The following SEMA3A variants were observed in gnomAD, a reference collection of about 807,000 sequenced individuals.
The protein encoded by SEMA3A is semaphorin-3A.
Under a neutral mutation model 97.9 loss-of-function variants are expected in SEMA3A, and 29 were observed. The observed-to-expected ratio is 0.30, with a 90% CI of 0.22 to 0.40. The LOEUF is 0.40. Among genes scored for constraint, SEMA3A ranks in the 10% least tolerant of loss-of-function variants. The pLI is 1.00. For synonymous variants in SEMA3A, 321 were observed against 323.7 expected (o/e 0.99, Z 0.09); for missense variants, 763 against 951.3 (o/e 0.80, Z 2.60).
intron 1 of SEMA3A, among the ~76,000 whole-genome samples, chr7:84,451,948 C>A (rs1240595776): frequency 6.6e-6 from 1 of 152,164 alleles, no homozygotes; most frequent in African/African-American, 2.4e-5. Context: ...GGAACAATTA[C>A]ATGGGTTAAA....
chr7:84,423,174 A>G (rs1014285683), intron 1 of SEMA3A, among the ~76,000 whole-genome samples: 3 of 152,112 alleles, frequency 2.0e-5, no homozygotes, highest in African/African-American at 7.2e-5. Flanking sequence ...TCAAATAAGT[A>G]CAATGTAAAA....
intron 1 of SEMA3A, among the ~76,000 whole-genome samples, chr7:84,135,277 A>G (rs1474439555): frequency 6.6e-6 from 1 of 151,750 alleles, no homozygotes; most frequent in East Asian, 1.9e-4. Flanking sequence ...TGCCCGGCTA[A>G]TTTTTGTGTT....
intron 1 of SEMA3A, among the ~76,000 whole-genome samples, chr7:84,419,761 T>C (rs1005499273): frequency 6.6e-6 from 1 of 152,108 alleles, no homozygotes; most frequent in African/African-American, 2.4e-5. Flanking sequence ...AATAACTAAA[T>C]TGAAAATTTC....
chr7:84,430,016 C>A (rs1804939087), intron 1 of SEMA3A, among the ~76,000 whole-genome samples: 1 of 151,992 alleles, frequency 6.6e-6, no homozygotes, highest in East Asian at 1.9e-4. Context: ...CATTTATCTT[C>A]AAACTAAGTA....
intron 3 of SEMA3A, among the ~76,000 whole-genome samples, chr7:84,201,710 A>G (rs1798362515): frequency 6.6e-6 from 1 of 152,154 alleles, no homozygotes; most frequent in African/African-American, 2.4e-5. Context: ...TTGAAAATCA[A>G]TCAACATAAA....
chr7:84,436,435 A>G (rs551642783), intron 1 of SEMA3A, among the ~76,000 whole-genome samples: 7 of 152,288 alleles, frequency 4.6e-5, no homozygotes, highest in African/African-American at 1.7e-4. Flanking sequence ...CTATTCATCC[A>G]ACAAAGATCT....
chr7:84,007,746 T>G (rs1790725294), intron 9 of SEMA3A, among the ~76,000 whole-genome samples: 1 of 152,146 alleles, frequency 6.6e-6, no homozygotes, highest in African/African-American at 2.4e-5. Context: ...AATATACGCC[T>G]TCATATGAAA....
intron 13 of SEMA3A, among the ~76,000 whole-genome samples, chr7:83,982,779 T>C (rs867674605): frequency 2.0e-5 from 3 of 152,104 alleles, no homozygotes; most frequent in Non-Finnish European, 4.4e-5. Context: ...CTTTCATGTA[T>C]AAACTGCATG....
chr7:84,332,400 T>G (rs367812639), intron 2 of SEMA3A, among the ~76,000 whole-genome samples: 1 of 152,150 alleles, frequency 6.6e-6, no homozygotes. Flanking sequence ...ACACCACCAA[T>G]GAAAAGAGAT....
At chr7:84,380,131 T>C (rs1803219812) in intron 1 of SEMA3A, among the ~76,000 whole-genome samples, 1 of 152,204 alleles carries the variant, frequency 6.6e-6, no homozygotes, top group African/African-American at 2.4e-5. Flanking sequence ...TTTTCTGCAA[T>C]ATATTTTAAT....
chr7:84,114,212 T>C (rs1034386662), intron 3 of SEMA3A, among the ~76,000 whole-genome samples: 6 of 152,206 alleles, frequency 3.9e-5, no homozygotes, highest in African/African-American at 1.4e-4. Context: ...CAAAAGAATA[T>C]GATTTACCTC....
intron 1 of SEMA3A, among the ~76,000 whole-genome samples, chr7:84,374,739 T>C (rs967025196): frequency 6.6e-6 from 1 of 152,188 alleles, no homozygotes; most frequent in African/African-American, 2.4e-5. Context: ...AATAATATAA[T>C]TGGCCTAGTG....
rs35981045 is a variant in SEMA3A, at chr7:84,215,926, TACAC to T, written c.-82-21262_-82-21259del. ...AAAAATGTATATGTGTACATATAGA[TACAC>T]ACACACACACACATAATTACCTCAA... On this transcript the variant is annotated intron_variant, in intron 3 of 3. Transcript: ENST00000424555. Among the ~76,000 whole-genome samples, 14 of 151,394 alleles carry T rather than the reference TACAC, an allele frequency of 9.2e-5. No homozygotes were observed. The South Asian group carries it at 1.7e-3, about 18-fold the overall frequency.
chr7:84,280,728 T>A (rs775982182), intron 3 of SEMA3A, among the ~76,000 whole-genome samples: 18 of 152,110 alleles, frequency 1.2e-4, no homozygotes, highest in Non-Finnish European at 2.1e-4. Context: ...TTGTAGTGAC[T>A]TGAGATCGCC....
At chr7:84,142,644 T>G (rs1796326242) in intron 1 of SEMA3A, among the ~76,000 whole-genome samples, 1 of 152,308 alleles carries the variant, frequency 6.6e-6, no homozygotes, top group Middle Eastern at 3.4e-3. Context: ...CTAACAGCTC[T>G]TGCATATTTA....
At chr7:84,153,855 C>G (rs1796753801) in intron 1 of SEMA3A, among the ~76,000 whole-genome samples, 1 of 152,000 alleles carries the variant, frequency 6.6e-6, no homozygotes, top group African/African-American at 2.4e-5. Flanking sequence ...TTACATAACA[C>G]TATTTGCATA....
At chr7:84,260,397 C>A (rs981827618) in intron 3 of SEMA3A, among the ~76,000 whole-genome samples, 2 of 152,066 alleles carry the variant, frequency 1.3e-5, no homozygotes, top group Non-Finnish European at 2.9e-5. Context: ...GGCGAGAGCC[C>A]CACCCGCCAC....
intron 2 of SEMA3A, among the ~76,000 whole-genome samples, chr7:84,368,770 A>G (rs1802909270): frequency 6.6e-6 from 1 of 150,988 alleles, no homozygotes; most frequent in Admixed American, 6.6e-5. Context: ...GTGTGTATGT[A>G]TACAGATACA....
intron 1 of SEMA3A, among the ~76,000 whole-genome samples, chr7:84,431,378 G>C (rs1804976265): frequency 6.6e-6 from 1 of 151,964 alleles, no homozygotes. Flanking sequence ...GCTATTTGAT[G>C]TTTAAGGGAT....
Sources: allele counts gnomAD v4.1 joint callset (sites outside exome capture counted in the v4.1 genomes callset), GRCh38; gene constraint gnomAD v4.1.1; transcripts MANE v1.5; gene names NCBI Gene and HGNC (gene_info 2026-07-23, HGNC 2026-07-21).